The following SMAD3 variants were observed in gnomAD, a reference collection of about 807,000 sequenced individuals.
SMAD3 encodes SMAD family member 3.
SMAD3 carries 12 observed loss-of-function variants against 51.8 expected under a neutral mutation model. The observed-to-expected ratio is 0.23, with a 90% CI of 0.15 to 0.38. The LOEUF is 0.38. Among genes scored for constraint, SMAD3 ranks in the 10% least tolerant of loss-of-function variants. The probability of loss-of-function intolerance (pLI) is 1.00; values close to 1 mark genes in which losing one functional copy is unlikely to be tolerated. For missense variants in SMAD3, 294 were observed against 565.6 expected, an observed-to-expected ratio of 0.52 and a Z score of 4.87; for synonymous variants, 238 against 227.7, an observed-to-expected ratio of 1.05 and a Z score of -0.41.
Position 67,194,441 on chromosome 15 carries a change from A to G in SMAD3, c.*3905A>G, listed in dbSNP as rs1403393756. The G allele has an allele frequency of 4.3e-6, 1 of 233,256 alleles. No individual in the cohort carries two copies. The highest frequency in any genetic ancestry group is 2.2e-5 in the African/African-American group (1 of 45,340). 14.4% of individuals were successfully genotyped at this position (233,256 alleles called of 1,614,324 possible). On this transcript the variant is annotated 3_prime_UTR_variant, in exon 9 of 9. Transcript: ENST00000327367. ...TTTTCAAAAACACAGCTATCATAGAAAAGAAACTTGCCTCATGTAAACTGG... is the reference window on the plus strand; with the variant it reads ...TTTTCAAAAACACAGCTATCATAGAGAAGAAACTTGCCTCATGTAAACTGG...
chr15:67,191,221 A>G lies in SMAD3; in HGVS notation c.*685A>G, dbSNP rs2140329375. 1 of 233,746 alleles carries G rather than the reference A, an allele frequency of 4.3e-6. No individual in the cohort carries two copies. The highest frequency in any genetic ancestry group is 8.5e-6 in the Non-Finnish European group (1 of 118,326). The allele number at this position is 233,746 out of a possible 1,614,324, so 14.5% of individuals were successfully genotyped here. On this transcript the variant is annotated 3_prime_UTR_variant, in exon 9 of 9. Transcript: ENST00000327367. ...AAAAATCGATGAGCGCCACCTCTTT[A>G]AAAACTCACTTACGTTTGTCCTTTT...
intron 6 of SMAD3, among the ~76,000 whole-genome samples, chr15:67,183,024 T>C (rs1482145885): frequency 1.5e-4 from 11 of 75,424 alleles, no homozygotes; most frequent in Admixed American, 4.9e-4. Context: ...TATATATATA[T>C]ATATATATTT....
At chr15:67,172,820 C>T (rs539061346) in intron 5 of SMAD3, among the ~76,000 whole-genome samples, 1 of 152,198 alleles carries the variant, frequency 6.6e-6, no homozygotes, top group South Asian at 2.1e-4. Context: ...ACCACCTGTC[C>T]CCACCTTCCT....
intron 1 of SMAD3, among the ~76,000 whole-genome samples, chr15:67,153,099 G>T (rs962233503): frequency 2.0e-5 from 3 of 152,156 alleles, no homozygotes; most frequent in Non-Finnish European, 2.9e-5. Context: ...TTTTTCATCT[G>T]TAAAATGGGA....
intron 1 of SMAD3, among the ~76,000 whole-genome samples, chr15:67,118,473 T>A (rs1210501964): frequency 6.6e-6 from 1 of 152,218 alleles, no homozygotes; most frequent in Admixed American, 6.5e-5. Context: ...AGATCAGGAC[T>A]GGGGCCAGCA....
chr15:67,183,029 A>ATTTT (rs1567000858), intron 6 of SMAD3, among the ~76,000 whole-genome samples: 3 of 48,112 alleles, frequency 6.2e-5, no homozygotes, highest in East Asian at 8.7e-4. Context: ...ATATATATAT[A>ATTTT]TATTTTTTTT....
intron 1 of SMAD3, among the ~76,000 whole-genome samples, chr15:67,102,265 TGTGCG>T (rs1260848460): frequency 1.3e-5 from 2 of 151,068 alleles, no homozygotes; most frequent in African/African-American, 2.4e-5. Context: ...TGTGTGTGTG[TGTGCG>T]GTGTGTGTGT....
At position 67,194,209 on chromosome 15, in the gene SMAD3, T is replaced by G. The variant is rs984618642; in HGVS notation, c.*3673T>G. The G allele has an allele frequency of 4.3e-6, 1 of 233,352 alleles. No homozygotes were observed. The highest frequency in any genetic ancestry group is 2.2e-5 in the African/African-American group (1 of 45,364). The allele number at this position is 233,352 out of a possible 1,614,324, so 14.5% of individuals were successfully genotyped here. On this transcript the variant is annotated 3_prime_UTR_variant, in exon 9 of 9. Coordinates refer to ENST00000327367, the MANE Select transcript of SMAD3 (RefSeq NM_005902.4). ...TCAACACAGCGAAGCTGTACTGTCT[T>G]TGTGTGGCAAAGATGTTCCCTTGTA... is the stretch of plus-strand genomic sequence containing the variant.
chr15:67,131,572 C>G (rs1365713373), intron 1 of SMAD3, among the ~76,000 whole-genome samples: 1 of 152,178 alleles, frequency 6.6e-6, no homozygotes, highest in Non-Finnish European at 1.5e-5. Context: ...AGGGATTCCT[C>G]CCAGTCCCGC....
intron 1 of SMAD3, chr15:67,146,265 A>G (rs1035152133): frequency 2.0e-5 from 3 of 152,266 alleles, no homozygotes; most frequent in African/African-American, 7.2e-5. Context: ...TTGCAAAGGA[A>G]GTTAAGACAG....
At chr15:67,102,977 G>T (rs562655713) in intron 1 of SMAD3, among the ~76,000 whole-genome samples, 2 of 152,070 alleles carry the variant, frequency 1.3e-5, no homozygotes, top group African/African-American at 4.8e-5. Flanking sequence ...CCCAAAACAG[G>T]TCCCATCTCC....
chr15:67,169,152 G>GA (rs1363746061), intron 4 of SMAD3, among the ~76,000 whole-genome samples: 1 of 151,982 alleles, frequency 6.6e-6, no homozygotes, highest in Non-Finnish European at 1.5e-5. Flanking sequence ...TATACCTGAG[G>GA]AAAAAATTAA....
At chr15:67,147,555 G>A (rs1962012694) in intron 1 of SMAD3, among the ~76,000 whole-genome samples, 1 of 152,150 alleles carries the variant, frequency 6.6e-6, no homozygotes, top group African/African-American at 2.4e-5. Context: ...AGAAGGTGGT[G>A]GTGAAATGCC....
At chr15:67,079,222 C>T (rs924835857) in intron 1 of SMAD3, among the ~76,000 whole-genome samples, 1 of 152,114 alleles carries the variant, frequency 6.6e-6, no homozygotes, top group African/African-American at 2.4e-5. Context: ...AGGTGATCTG[C>T]CCGCGTCAGC....
Position 67,065,946 on chromosome 15 carries a change from G to C in SMAD3, c.-209G>C, listed in dbSNP as rs1959902565. Reference sequence around the variant, plus strand: ...CCGGCCGCTCTTCTCTTCGCCGTGGGAGCCGCTCCGGGCGCAGGGCCGCGC... The same window carrying C: ...CCGGCCGCTCTTCTCTTCGCCGTGGCAGCCGCTCCGGGCGCAGGGCCGCGC... On this transcript the variant is annotated 5_prime_UTR_variant, in exon 1 of 9. Coordinates refer to ENST00000327367, the MANE Select transcript of SMAD3 (RefSeq NM_005902.4). 1 of 211,054 alleles carries C rather than the reference G, an allele frequency of 4.7e-6. No individual in the cohort carries two copies. Among genetic ancestry groups the C allele is most frequent in the Admixed American group, 5.9e-5 (1 of 16,846 alleles). The allele number at this position is 211,054 out of a possible 1,614,324, so 13.1% of individuals were successfully genotyped here. A position where few individuals can be genotyped will look rare whatever the true frequency, so the allele number is the denominator to read the frequency against.
chr15:67,154,655 G>A (rs1962235364), intron 1 of SMAD3, among the ~76,000 whole-genome samples: 1 of 152,226 alleles, frequency 6.6e-6, no homozygotes, highest in Non-Finnish European at 1.5e-5. Flanking sequence ...ATGCCAGGGT[G>A]TAGTATATTC....
At chr15:67,068,259 C>G (rs983209453) in intron 1 of SMAD3, among the ~76,000 whole-genome samples, 2 of 152,222 alleles carry the variant, frequency 1.3e-5, no homozygotes, top group Non-Finnish European at 2.9e-5. Context: ...TGAATGTGCT[C>G]TTTCTGCTGC....
chr15:67,122,461 G>C (rs1233504460), intron 1 of SMAD3, among the ~76,000 whole-genome samples: 1 of 152,208 alleles, frequency 6.6e-6, no homozygotes, highest in Non-Finnish European at 1.5e-5. Context: ...CCTATCGGGG[G>C]ATTTATGGAG....
At chr15:67,158,838 T>C (rs1962351288) in intron 1 of SMAD3, among the ~76,000 whole-genome samples, 2 of 152,124 alleles carry the variant, frequency 1.3e-5, no homozygotes, top group Non-Finnish European at 2.9e-5. Context: ...GGGAAAGAGA[T>C]GTGTTGTTGA....
Sources: allele counts gnomAD v4.1 joint callset (sites outside exome capture counted in the v4.1 genomes callset), GRCh38; gene constraint gnomAD v4.1.1; transcripts MANE v1.5; gene names NCBI Gene and HGNC (gene_info 2026-07-23, HGNC 2026-07-21).